UNC13C: variants seen among roughly 807,000 people sequenced by gnomAD.
UNC13C encodes unc-13 homolog C, also known as protein unc-13 homolog C.
Under a neutral mutation model 245.4 loss-of-function variants are expected in UNC13C, and 174 were observed. The ratio of observed to expected loss-of-function variants is 0.71; its 90% confidence interval spans 0.63 to 0.80. The LOEUF is 0.80. Among genes scored for constraint, UNC13C ranks in the 30% least tolerant of loss-of-function variants. The probability of loss-of-function intolerance (pLI) is 0.00; values close to 1 mark genes in which losing one functional copy is unlikely to be tolerated. For synonymous variants in UNC13C, 992 were observed against 895.1 expected, an observed-to-expected ratio of 1.11 and a Z score of -1.93; for missense variants, 2,829 against 2,602.9, an observed-to-expected ratio of 1.09 and a Z score of -1.89.
At chr15:53,854,580 G>A in the UNC13C span, among the ~76,000 whole-genome samples, 25 of 152,144 alleles carry the variant, frequency 1.6e-4, no homozygotes, top group Admixed American at 7.9e-4. Context: ...GTTTTTGTCC[G>A]GTTTGTCAAA....
intron 1 of UNC13C, among the ~76,000 whole-genome samples, chr15:53,996,453 G>C (rs1405520320): frequency 6.6e-6 from 1 of 152,028 alleles, no homozygotes; most frequent in East Asian, 1.9e-4. Flanking sequence ...CACTTTTTCT[G>C]TATATATTCG....
At chr15:53,986,376 C>G (rs12439568) in intron 1 of UNC13C, among the ~76,000 whole-genome samples, 18,923 of 151,944 alleles carry the variant, frequency 0.12, 1,486 homozygotes, top group East Asian at 0.28. Flanking sequence ...TTACATTTCT[C>G]TTAAGATACT....
chr15:53,911,210 C>G, the UNC13C span: 28 of 152,400 alleles, frequency 1.8e-4, no homozygotes, highest in African/African-American at 5.8e-4. Context: ...CAGCTTGGAG[C>G]AGGACCTGGG....
chr15:53,843,662 A>T, the UNC13C span, among the ~76,000 whole-genome samples: 2 of 152,162 alleles, frequency 1.3e-5, no homozygotes, highest in Non-Finnish European at 2.9e-5. Flanking sequence ...CCCATGAAGA[A>T]GACTGAAAAT....
intron 2 of UNC13C, among the ~76,000 whole-genome samples, chr15:54,094,631 C>G (rs1314212671): frequency 6.6e-6 from 1 of 152,188 alleles, no homozygotes; most frequent in African/African-American, 2.4e-5. Context: ...GCAGATCCCA[C>G]TGACTTTTAT....
At chr15:54,383,875 A>G (rs926412469) in intron 17 of UNC13C, among the ~76,000 whole-genome samples, 2 of 152,076 alleles carry the variant, frequency 1.3e-5, no homozygotes, top group African/African-American at 4.8e-5. Flanking sequence ...CAATAATGGC[A>G]TAGCCAAAAA....
intron 20 of UNC13C, among the ~76,000 whole-genome samples, chr15:54,496,346 G>A (rs1184205356): frequency 6.6e-6 from 1 of 152,024 alleles, no homozygotes; most frequent in Non-Finnish European, 1.5e-5. Flanking sequence ...TACAGAATTT[G>A]TCAACTAAAG....
the UNC13C span, among the ~76,000 whole-genome samples, chr15:53,875,512 T>C: frequency 6.6e-6 from 1 of 152,080 alleles, no homozygotes; most frequent in Non-Finnish European, 1.5e-5. Context: ...TGAAGGCTCA[T>C]ATTAGATCAG....
intron 4 of UNC13C, among the ~76,000 whole-genome samples, chr15:54,225,030 T>C (rs1207202213): frequency 2.6e-5 from 4 of 151,124 alleles, no homozygotes; most frequent in East Asian, 1.9e-4. Context: ...GTGTCTTCTT[T>C]TTTTTTTTTT....
chr15:54,025,669 C>G (rs759872192), intron 2 of UNC13C, among the ~76,000 whole-genome samples: 128 of 152,132 alleles, frequency 8.4e-4, no homozygotes, highest in Non-Finnish European at 1.3e-3. Flanking sequence ...AGATGAGAAA[C>G]TGAGGTGGTA....
intron 26 of UNC13C, 61 bp downstream of exon 26, chr15:54,533,127 T>A: frequency 7.5e-7 from 1 of 1,327,106 alleles, no homozygotes; most frequent in Non-Finnish European, 1.0e-6. Context: ...TTTAAGGCTT[T>A]AAGAAAAACA....
chr15:54,029,002 T>G (rs1896243796), intron 2 of UNC13C, among the ~76,000 whole-genome samples: 1 of 152,060 alleles, frequency 6.6e-6, no homozygotes, highest in Admixed American at 6.5e-5. Context: ...CACAGACTTC[T>G]TTTGATTTTA....
At chr15:54,125,965 A>C (rs2031009951) in intron 2 of UNC13C, among the ~76,000 whole-genome samples, 1 of 152,210 alleles carries the variant, frequency 6.6e-6, no homozygotes, top group South Asian at 2.1e-4. Context: ...ACTTATACAC[A>C]ATACAATACG....
At chr15:53,894,620 A>G in the UNC13C span, among the ~76,000 whole-genome samples, 1 of 152,188 alleles carries the variant, frequency 6.6e-6, no homozygotes, top group Non-Finnish European at 1.5e-5. Context: ...AATAAGGAAG[A>G]CAATTGTTGA....
chr15:54,616,600 G>A (rs1900450683), intron 30 of UNC13C, among the ~76,000 whole-genome samples: 2 of 151,680 alleles, frequency 1.3e-5, no homozygotes, highest in South Asian at 2.1e-4. Context: ...CTTTAAAATA[G>A]AAAAAATTTT....
At chr15:54,231,668 A>C (rs2035556907) in intron 4 of UNC13C, among the ~76,000 whole-genome samples, 1 of 152,080 alleles carries the variant, frequency 6.6e-6, no homozygotes, top group Non-Finnish European at 1.5e-5. Context: ...GCACCAAAAA[A>C]AATTAGTTAT....
At chr15:54,478,130 G>T (rs1596452975) in intron 19 of UNC13C, among the ~76,000 whole-genome samples, 3 of 150,138 alleles carry the variant, frequency 2.0e-5, no homozygotes, top group East Asian at 2.0e-4. Flanking sequence ...ATGGTAGTTT[G>T]TATTTCTGTG....
chr15:54,605,633 G>C (rs1250701332), intron 30 of UNC13C, among the ~76,000 whole-genome samples: 1 of 152,174 alleles, frequency 6.6e-6, no homozygotes, highest in Non-Finnish European at 1.5e-5. Flanking sequence ...CCAGTATACA[G>C]AGAGGGTGAG....
intron 1 of UNC13C, among the ~76,000 whole-genome samples, chr15:54,003,241 C>G (rs1894978383): frequency 6.6e-6 from 1 of 152,080 alleles, no homozygotes; most frequent in South Asian, 2.1e-4. Flanking sequence ...AAAATCAAAA[C>G]AAAACAATAC....
Sources: allele counts gnomAD v4.1 joint callset (sites outside exome capture counted in the v4.1 genomes callset), GRCh38; gene constraint gnomAD v4.1.1; transcripts MANE v1.5; gene names NCBI Gene and HGNC (gene_info 2026-07-23, HGNC 2026-07-21).